The following CELA1 variants were observed in gnomAD, a reference collection of about 807,000 sequenced individuals.
CELA1 encodes the protein chymotrypsin-like elastase family member 1.
In CELA1, 28 loss-of-function variants were observed where a neutral mutation model predicts 34.8. That is an observed-to-expected ratio of 0.80 (90% CI 0.60 to 1.10). The LOEUF (loss-of-function observed/expected upper bound fraction) is 1.10, where lower values mean the gene tolerates loss of function less well. CELA1 is among the 50% of genes least tolerant of loss of function. CELA1 has a pLI of 0.00. For missense variants in CELA1, 288 were observed against 327.5 expected, an observed-to-expected ratio of 0.88 and a Z score of 0.93; for synonymous variants, 140 against 129.8, an observed-to-expected ratio of 1.08 and a Z score of -0.53.
At chr12:51,341,773 G>C (rs2359600) in intron 4 of CELA1, among the ~76,000 whole-genome samples, 144,730 of 151,344 alleles carry the variant, frequency 0.96, 69,544 homozygotes, top group Middle Eastern at 1. Context: ...ACCCCCACCT[G>C]CACATGCTAT....
rs17860364 is a variant in CELA1 at position 51,329,715 on chromosome 12, T to C, written c.728A>G (p.Gln243Arg). Residue 243 changes from glutamine to arginine, a missense_variant, in exon 7 of 8, where the codon CAG becomes CGG. Transcript: ENST00000293636. ...TATCCAGGAGATGTAAGCAGAGACC[T>C]GGGTGAAGACTGTAGGCTTCCTGGA... ...NVSRKPTVFT[Q>R]VSAYISWINN... 0.1 allele frequency: 161,137 copies of C among 1,613,214 alleles called. 8,374 individuals are homozygous for C. Among genetic ancestry groups the C allele is most frequent in the African/African-American group, 0.11 (8,587 of 74,964 alleles).
At chr12:51,333,294 A>G (rs1404942991) in intron 6 of CELA1, among the ~76,000 whole-genome samples, 1 of 151,410 alleles carries the variant, frequency 6.6e-6, no homozygotes, top group Non-Finnish European at 1.5e-5. Flanking sequence ...GAGTTTCACT[A>G]TGTTGGTCAG....
rs776297306 is a variant in CELA1 at position 51,343,827 on chromosome 12, A to G, written c.126T>C (p.Gly42=). ...SQISLQYRSG[G]SRYHTCGGTL... is the part of the protein sequence containing the mutation. ...TCCCTCCACAGGTGTGATACCGGGA[A>G]CCTCCAGACCGGTACTGGAGGGAAA... Residue 42 remains glycine (G), a synonymous_variant, in exon 3 of 8, where the codon GGT becomes GGC. Transcript: ENST00000293636. 2 of 1,604,060 alleles carry G rather than the reference A, an allele frequency of 1.2e-6. No homozygotes were observed. The highest frequency in any genetic ancestry group is 1.7e-6 in the Non-Finnish European group (2 of 1,172,160).
At chr12:51,330,838 T>C (rs549496438) in intron 6 of CELA1, among the ~76,000 whole-genome samples, 12 of 151,160 alleles carry the variant, frequency 7.9e-5, no homozygotes, top group South Asian at 4.2e-4. Context: ...GGCGTGGTGG[T>C]GGGCGCCTGT....
Position 51,340,085 on chromosome 12 carries a change from C to T in CELA1, c.464-80G>A, listed in dbSNP as rs765235870. 2.2e-4 allele frequency: 295 copies of T among 1,335,112 alleles called. 2 individuals carry two copies. The highest frequency in any genetic ancestry group is 6.9e-5 in the Admixed American group (3 of 43,666). 82.7% of individuals were successfully genotyped at this position (1,335,112 alleles called of 1,614,324 possible). A position where few individuals can be genotyped will look rare whatever the true frequency, so the allele number is the denominator to read the frequency against. On this transcript the variant is annotated intron_variant, in intron 5 of 7. Coordinates refer to ENST00000293636, the MANE Select transcript of CELA1 (RefSeq NM_001971.6). ...ACCTTCCACCCCTGCCACACCTTCCCAAACTCTCGTGAAAGCTGAGCTCAG... is the reference window on the plus strand; with the variant it reads ...ACCTTCCACCCCTGCCACACCTTCCTAAACTCTCGTGAAAGCTGAGCTCAG...
At chr12:51,340,764 G>C (rs745706628) in intron 5 of CELA1, among the ~76,000 whole-genome samples, 18 of 152,168 alleles carry the variant, frequency 1.2e-4, no homozygotes, top group Non-Finnish European at 2.4e-4. Context: ...CCAGCACTTT[G>C]GGAGGCCAAG....
chr12:51,338,255 T>TACACACAC (rs758082342), intron 6 of CELA1, among the ~76,000 whole-genome samples: 8,282 of 116,542 alleles, frequency 0.071, 321 homozygotes, highest in East Asian at 0.12. Context: ...AAAAAAAACA[T>TACACACAC]ACACACACAC....
intron 7 of CELA1, 109 bp downstream of exon 7, chr12:51,329,575 G>GT: frequency 8.7e-7 from 1 of 1,154,994 alleles, no homozygotes; most frequent in Non-Finnish European, 1.2e-6. Flanking sequence ...CATGAATGTG[G>GT]TAAGGAAGAT....
intron 1 of CELA1, 22 bp downstream of exon 1, chr12:51,346,601 C>T (rs558467623): frequency 3.6e-6 from 4 of 1,095,970 alleles, no homozygotes; most frequent in African/African-American, 3.8e-5. Context: ...ACCAGGGTTG[C>T]GACTGGACCA....
intron 7 of CELA1, 125 bp downstream of exon 7, chr12:51,329,559 T>G: frequency 9.8e-7 from 1 of 1,022,922 alleles, no homozygotes; most frequent in Non-Finnish European, 1.4e-6. Context: ...GGGAAGGGAG[T>G]AAACACATGA....
At chr12:51,345,734 C>A (rs1946561593) in intron 2 of CELA1, 61 bp downstream of exon 2, 3 of 1,155,642 alleles carry the variant, frequency 2.6e-6, no homozygotes, top group Non-Finnish European at 3.8e-6. Flanking sequence ...CACATGATAC[C>A]TTATGTCATG....
At chr12:51,343,570 A>T (rs957092095) in intron 3 of CELA1, among the ~76,000 whole-genome samples, 183 bp downstream of exon 3, 1 of 152,196 alleles carries the variant, frequency 6.6e-6, no homozygotes, top group African/African-American at 2.4e-5. Context: ...TTTGAATTTG[A>T]GTCTCCCTGA....
At chr12:51,337,665 T>C (rs1164555146) in intron 6 of CELA1, among the ~76,000 whole-genome samples, 1 of 150,958 alleles carries the variant, frequency 6.6e-6, no homozygotes, top group Non-Finnish European at 1.5e-5. Context: ...TCATGACATA[T>C]TATTATTCTG....
At chr12:51,346,467 G>T (rs907936131) in intron 1 of CELA1, among the ~76,000 whole-genome samples, 156 bp downstream of exon 1, 2 of 152,050 alleles carry the variant, frequency 1.3e-5, no homozygotes, top group Admixed American at 1.3e-4. Context: ...ACGCTCTGCA[G>T]GCAGAGCGTC....
intron 4 of CELA1, 61 bp downstream of exon 4, chr12:51,342,514 C>T: frequency 6.2e-7 from 1 of 1,610,628 alleles, no homozygotes. Flanking sequence ...GTGAAGGCAG[C>T]CAGTTGTTGG....
At chr12:51,329,874 C>T (rs754024323) in intron 6 of CELA1, 41 bp from the exon 7 acceptor site, 8 of 1,550,738 alleles carry the variant, frequency 5.2e-6, no homozygotes, top group Admixed American at 2.0e-5. Flanking sequence ...TCCAGATCTT[C>T]GGGCTTTTGC....
Position 51,328,710 on chromosome 12 carries a change from G to T in CELA1, c.760-116C>A, listed in dbSNP as rs1946451003. 3.4e-6 allele frequency: 4 copies of T among 1,168,216 alleles called. No homozygotes were observed. In the East Asian group the frequency reaches 9.5e-5, roughly 28 times the overall value. 72.4% of individuals were successfully genotyped at this position (1,168,216 alleles called of 1,614,324 possible). A position where few individuals can be genotyped will look rare whatever the true frequency, so the allele number is the denominator to read the frequency against. Reference sequence around the variant, plus strand: ...ACTGGGTTTATGGGAAGTTGACAGGGTGTGGGGACAGGGAGGCAGGAAGTC... The same window carrying T: ...ACTGGGTTTATGGGAAGTTGACAGGTTGTGGGGACAGGGAGGCAGGAAGTC... On this transcript the variant is annotated intron_variant, in intron 7 of 7. Transcript: ENST00000293636.
chr12:51,346,197 C>CA (rs1174285102), intron 1 of CELA1, among the ~76,000 whole-genome samples: 2 of 149,890 alleles, frequency 1.3e-5, no homozygotes, highest in Non-Finnish European at 3.0e-5. Flanking sequence ...TGAAGAGACC[C>CA]CCCCCCACTC....
chr12:51,332,821 C>T (rs558359621), intron 6 of CELA1, among the ~76,000 whole-genome samples: 70 of 152,024 alleles, frequency 4.6e-4, no homozygotes, highest in African/African-American at 1.3e-3. Flanking sequence ...ATCACGCTAC[C>T]GTACTCCAGC....
Sources: allele counts gnomAD v4.1 joint callset (sites outside exome capture counted in the v4.1 genomes callset), GRCh38; gene constraint gnomAD v4.1.1; transcripts MANE v1.5; gene names NCBI Gene and HGNC (gene_info 2026-07-23, HGNC 2026-07-21).